Variants in GULP1 observed in about 807,000 individuals in gnomAD.
GULP1 encodes the protein PTB domain-containing engulfment adapter protein 1.
GULP1 carries 19 observed loss-of-function variants against 40.9 expected under a neutral mutation model. That is an observed-to-expected ratio of 0.46 (90% CI 0.32 to 0.68). The LOEUF is 0.68. Ranked by LOEUF, GULP1 falls within the 30% of genes least tolerant of loss-of-function variation. The probability of loss-of-function intolerance (pLI) is 0.03; values close to 1 mark genes in which losing one functional copy is unlikely to be tolerated. For missense variants in GULP1, 312 were observed against 362.2 expected, an observed-to-expected ratio of 0.86 and a Z score of 1.12; for synonymous variants, 119 against 117.6, an observed-to-expected ratio of 1.01 and a Z score of -0.08.
chr2:188,475,115 G>C (rs2060903117), intron 2 of GULP1, among the ~76,000 whole-genome samples: 1 of 152,124 alleles, frequency 6.6e-6, no homozygotes. Flanking sequence ...GAACAAAGTA[G>C]CTAGTATCTA....
In GULP1 at chr2:188,331,326, T is replaced by C. The variant is rs1438077770; in HGVS notation, c.-172+39160T>C. ...GCCAGGGGCTCATCAACTGGGATGG[T>C]AATCCATTCCATTTTGTAATAGCTT... On this transcript the variant is annotated intron_variant, in intron 1 of 11. Transcript: ENST00000409830. 3.9e-5 allele frequency among the ~76,000 whole-genome samples: 6 copies of C among 152,198 alleles called. No individual in the cohort carries two copies. In the East Asian group the frequency reaches 1.2e-3, roughly 29 times the overall value.
chr2:188,541,294 C>A lies in GULP1; in HGVS notation c.375C>A (p.Cys125Ter), dbSNP rs754423055. 1 of 1,612,472 alleles carries A rather than the reference C, an allele frequency of 6.2e-7. No individual in the cohort carries two copies. The highest frequency in any genetic ancestry group is 1.7e-5 in the Admixed American group (1 of 60,008). ...ATTCTGAGTCAAATAAACATTTGTG[C>A]TATGTATTTGACAGCGAAAAGTGTG... Reference protein sequence around the residue: ...CKDSESNKHLCYVFDSEKCAE... With the variant: ...CKDSESNKHL Residue 125 changes from cysteine (C) to a stop codon, truncating the protein, a stop_gained, in exon 7 of 12, where the codon TGC becomes TGA. Coordinates refer to ENST00000409830, the MANE Select transcript of GULP1 (RefSeq NM_016315.4). LOFTEE classifies it high-confidence loss of function.
chr2:188,574,290 G>A (rs984289927), intron 9 of GULP1, among the ~76,000 whole-genome samples: 8 of 152,068 alleles, frequency 5.3e-5, no homozygotes, highest in African/African-American at 1.9e-4. Flanking sequence ...TGAAGTAGAA[G>A]ATGAAGCCAG....
chr2:188,485,026 A>G (rs2061744685), intron 4 of GULP1, among the ~76,000 whole-genome samples: 1 of 152,142 alleles, frequency 6.6e-6, no homozygotes. Context: ...TTGGTATACT[A>G]TATGAAATCT....
At chr2:188,466,845 G>A (rs2060170386) in intron 2 of GULP1, among the ~76,000 whole-genome samples, 1 of 152,042 alleles carries the variant, frequency 6.6e-6, no homozygotes, top group Non-Finnish European at 1.5e-5. Flanking sequence ...GTCTTGACAG[G>A]TAGGGATACT....
At chr2:188,464,252 T>C (rs147919376) in intron 2 of GULP1, among the ~76,000 whole-genome samples, 1 of 152,322 alleles carries the variant, frequency 6.6e-6, no homozygotes, top group African/African-American at 2.4e-5. Flanking sequence ...CTGTGGTTCT[T>C]ATAGACTCAT....
intron 2 of GULP1, among the ~76,000 whole-genome samples, chr2:188,412,364 T>C (rs2152721422): frequency 6.6e-6 from 1 of 152,230 alleles, no homozygotes; most frequent in South Asian, 2.1e-4. Flanking sequence ...TGTGAAGTAA[T>C]AGTGTGATTT....
intron 2 of GULP1, among the ~76,000 whole-genome samples, chr2:188,421,658 A>T (rs1018691846): frequency 6.6e-6 from 1 of 152,186 alleles, no homozygotes; most frequent in Non-Finnish European, 1.5e-5. Flanking sequence ...TAACATGCAT[A>T]TATGAAGAAT....
chr2:188,391,076 G>A (rs1038863568), intron 2 of GULP1, among the ~76,000 whole-genome samples: 3 of 151,950 alleles, frequency 2.0e-5, no homozygotes, highest in African/African-American at 7.2e-5. Context: ...GCTTAGGATT[G>A]CTTTGGCTGT....
intron 2 of GULP1, among the ~76,000 whole-genome samples, chr2:188,432,700 A>T (rs1185936692): frequency 6.6e-6 from 1 of 152,154 alleles, no homozygotes; most frequent in East Asian, 1.9e-4. Flanking sequence ...AAGACATTTT[A>T]AAATTTATTT....
chr2:188,560,770 C>T (rs1018717500), intron 7 of GULP1, among the ~76,000 whole-genome samples: 1 of 152,144 alleles, frequency 6.6e-6, no homozygotes, highest in Non-Finnish European at 1.5e-5. Context: ...AAAGCAGGTG[C>T]AGCCATGGCT....
At chr2:188,576,342 A>G (rs1700182072) in intron 9 of GULP1, among the ~76,000 whole-genome samples, 1 of 152,082 alleles carries the variant, frequency 6.6e-6, no homozygotes, top group Non-Finnish European at 1.5e-5. Flanking sequence ...TATGTAATTG[A>G]GTTCTAGCTA....
intron 4 of GULP1, among the ~76,000 whole-genome samples, chr2:188,515,102 A>C (rs1353669797): frequency 6.6e-6 from 1 of 152,182 alleles, no homozygotes; most frequent in East Asian, 1.9e-4. Context: ...GTAAGTCCAC[A>C]TTTAGTTTGA....
intron 1 of GULP1, among the ~76,000 whole-genome samples, chr2:188,308,231 G>C (rs186716114): frequency 2.0e-5 from 3 of 152,230 alleles, no homozygotes; most frequent in Middle Eastern, 3.4e-3. Flanking sequence ...AGTCATTAAA[G>C]TAACTTAACA....
chr2:188,332,684 TG>T (rs1475621521), intron 1 of GULP1, among the ~76,000 whole-genome samples: 1 of 151,972 alleles, frequency 6.6e-6, no homozygotes, highest in Non-Finnish European at 1.5e-5. Context: ...ATCTTGAAAG[TG>T]AGGATCAGTC....
chr2:188,406,467 A>G (rs1438715745), intron 2 of GULP1, among the ~76,000 whole-genome samples: 1 of 152,202 alleles, frequency 6.6e-6, no homozygotes. Context: ...AATACAATCC[A>G]ACAAAATTAC....
At chr2:188,421,376 G>C (rs1022137043) in intron 2 of GULP1, among the ~76,000 whole-genome samples, 2 of 151,898 alleles carry the variant, frequency 1.3e-5, no homozygotes, top group Non-Finnish European at 2.9e-5. Context: ...TGAAATATTT[G>C]TGCATTCATG....
At chr2:188,455,796 A>G (rs2059207894) in intron 2 of GULP1, among the ~76,000 whole-genome samples, 1 of 152,322 alleles carries the variant, frequency 6.6e-6, no homozygotes, top group South Asian at 2.1e-4. Flanking sequence ...AGAAGACAGG[A>G]AAATGTGGGA....
chr2:188,529,495 G>A (rs139312635), intron 6 of GULP1, among the ~76,000 whole-genome samples: 2,763 of 152,218 alleles, frequency 0.018, 49 homozygotes, highest in Middle Eastern at 0.031. Flanking sequence ...ATACAGTGTG[G>A]TTCACTGAGT....
Sources: gnomAD v4.1 joint callset for allele counts (sites outside exome capture counted in the v4.1 genomes callset) on GRCh38, gnomAD v4.1.1 for gene constraint, MANE v1.5 for transcripts, NCBI Gene and HGNC (gene_info 2026-07-23, HGNC 2026-07-21) for gene names.